Variants in CSMD1 observed in about 807,000 individuals in gnomAD.
CSMD1 encodes the protein CUB and Sushi multiple domains 1.
A neutral mutation model predicts 417.5 loss-of-function variants in CSMD1; 213 were observed. The ratio of observed to expected loss-of-function variants is 0.51; its 90% CI spans 0.46 to 0.57. The LOEUF (loss-of-function observed/expected upper bound fraction) is 0.57. CSMD1 is among the 20% of genes least tolerant of loss of function. CSMD1 has a pLI of 0.00. For synonymous variants in CSMD1, 2,862 were observed against 1,736.8 expected, an observed-to-expected ratio of 1.65 and a Z score of -16.11; for missense variants, 6,923 against 4,529.7, an observed-to-expected ratio of 1.53 and a Z score of -15.17.
intron 25 of CSMD1, among the ~76,000 whole-genome samples, chr8:3,296,719 C>T (rs536341698): frequency 9.9e-5 from 15 of 152,142 alleles, no homozygotes; most frequent in African/African-American, 3.1e-4. Flanking sequence ...AAGAGGTGTG[C>T]GTGAGGTGAG....
At chr8:3,795,210 A>ATATAT (rs1799995681) in intron 5 of CSMD1, among the ~76,000 whole-genome samples, 3 of 105,052 alleles carry the variant, frequency 2.9e-5, no homozygotes, top group African/African-American at 8.0e-5. Flanking sequence ...AGATATAGAT[A>ATATAT]CCTATCATGT....
At position 4,992,264 on chromosome 8, in the gene CSMD1, C is replaced by CCA. The variant is rs568216844; in HGVS notation, c.85+2066_85+2067dup. 2.4e-3 allele frequency among the ~76,000 whole-genome samples: 366 copies of CCA among 152,324 alleles called. 1 individual carries two copies. The highest frequency in any genetic ancestry group is 4.2e-3 in the Non-Finnish European group (283 of 68,038). On this transcript the variant is annotated intron_variant, in intron 1 of 69. Transcript: ENST00000635120. ...CTCAGCCTCATCCTAGCGCTGCAGC[C>CCA]CACCCGCGTGGGGGCGGAATCCGCC...
At chr8:4,056,982 G>A (rs1448360466) in intron 3 of CSMD1, among the ~76,000 whole-genome samples, 1 of 152,298 alleles carries the variant, frequency 6.6e-6, no homozygotes, top group African/African-American at 2.4e-5. Flanking sequence ...TGTGAATACT[G>A]CTGCAATAAA....
At chr8:4,803,636 C>T (rs910712308) in intron 1 of CSMD1, among the ~76,000 whole-genome samples, 13 of 152,176 alleles carry the variant, frequency 8.5e-5, no homozygotes, top group Non-Finnish European at 1.6e-4. Flanking sequence ...GTCTTCTATC[C>T]TCCATCCAAT....
At chr8:3,576,698 G>A (rs922047352) in intron 9 of CSMD1, among the ~76,000 whole-genome samples, 1 of 152,202 alleles carries the variant, frequency 6.6e-6, no homozygotes, top group Non-Finnish European at 1.5e-5. Context: ...ACAAAGGACT[G>A]GATGAAAACA....
intron 2 of CSMD1, among the ~76,000 whole-genome samples, chr8:4,510,424 C>CAAAAAAAAAAAAAAAAAAAAAAA (rs1225463197): frequency 2.8e-5 from 2 of 70,304 alleles, no homozygotes; most frequent in African/African-American, 5.6e-5. Context: ...AAAAAAAAAG[C>CAAAAAAAAAAAAAAAAAAAAAAA]AAATACTTTG....
chr8:4,516,348 C>T (rs1212816684), intron 2 of CSMD1, among the ~76,000 whole-genome samples: 2 of 152,130 alleles, frequency 1.3e-5, no homozygotes, highest in East Asian at 1.9e-4. Context: ...GATTTCTGTT[C>T]TTTAAGGCAT....
chr8:3,908,887 C>T (rs1054956743), intron 5 of CSMD1, among the ~76,000 whole-genome samples: 3 of 152,182 alleles, frequency 2.0e-5, no homozygotes, highest in African/African-American at 7.2e-5. Flanking sequence ...AACACACCTT[C>T]CCTAAGAGGA....
intron 26 of CSMD1, among the ~76,000 whole-genome samples, chr8:3,280,894 G>C (rs887826027): frequency 6.6e-6 from 1 of 152,066 alleles, no homozygotes; most frequent in Admixed American, 6.6e-5. Context: ...TCTGAAGAGA[G>C]AATCATGAAT....
At chr8:3,238,992 A>T (rs539591166) in intron 26 of CSMD1, among the ~76,000 whole-genome samples, 150 of 152,236 alleles carry the variant, frequency 9.9e-4, no homozygotes, top group African/African-American at 3.5e-3. Flanking sequence ...GGCACAGTCA[A>T]AGTTGGTGTG....
At chr8:4,014,348 T>A (rs1585133675) in intron 4 of CSMD1, among the ~76,000 whole-genome samples, 1 of 152,144 alleles carries the variant, frequency 6.6e-6, no homozygotes, top group East Asian at 1.9e-4. Flanking sequence ...GAGAAAATAA[T>A]CTGTAAAATA....
chr8:4,005,598 GT>G (rs1346016959), intron 4 of CSMD1, among the ~76,000 whole-genome samples: 2 of 152,132 alleles, frequency 1.3e-5, no homozygotes, highest in African/African-American at 4.8e-5. Flanking sequence ...GTATTATAAG[GT>G]TTGCAGTCAT....
chr8:3,553,915 A>T (rs938516406), intron 10 of CSMD1, among the ~76,000 whole-genome samples: 2 of 152,224 alleles, frequency 1.3e-5, no homozygotes, highest in African/African-American at 4.8e-5. Context: ...GGTCATGTAA[A>T]GGCAGACTTC....
At chr8:4,471,859 T>C (rs1423798475) in intron 2 of CSMD1, among the ~76,000 whole-genome samples, 1 of 152,126 alleles carries the variant, frequency 6.6e-6, no homozygotes, top group Non-Finnish European at 1.5e-5. Context: ...TTTCAATGAT[T>C]AGGCTACAAA....
At chr8:3,128,601 CATCTT>C (rs1817633500) in intron 41 of CSMD1, 1 of 307,992 alleles carries the variant, frequency 3.2e-6, no homozygotes, top group Non-Finnish European at 6.3e-6. Flanking sequence ...AGTTAAGTGT[CATCTT>C]ATCAATTTAT....
chr8:4,519,611 G>C (rs896743295), intron 2 of CSMD1, among the ~76,000 whole-genome samples: 2 of 150,992 alleles, frequency 1.3e-5, no homozygotes, highest in Non-Finnish European at 3.0e-5. Context: ...ATGGTTGCAG[G>C]TACCTATAAT....
intron 5 of CSMD1, among the ~76,000 whole-genome samples, chr8:3,794,649 G>C (rs1020655058): frequency 6.6e-6 from 1 of 151,866 alleles, no homozygotes; most frequent in East Asian, 1.9e-4. Context: ...ATGACTAGAA[G>C]TTATGTGATT....
intron 5 of CSMD1, among the ~76,000 whole-genome samples, chr8:3,912,457 A>C (rs1432936050): frequency 1.3e-5 from 2 of 152,206 alleles, no homozygotes; most frequent in African/African-American, 2.4e-5. Flanking sequence ...AGACATTCCT[A>C]AACCAGAGAG....
chr8:4,967,449 T>G (rs1339001534), intron 1 of CSMD1, among the ~76,000 whole-genome samples: 3 of 152,198 alleles, frequency 2.0e-5, no homozygotes, highest in Admixed American at 1.3e-4. Context: ...GTAAGAGATG[T>G]TAAGTCTATT....
Sources: gnomAD v4.1 joint callset for allele counts (sites outside exome capture counted in the v4.1 genomes callset) on GRCh38, gnomAD v4.1.1 for gene constraint, MANE v1.5 for transcripts, NCBI Gene and HGNC (gene_info 2026-07-23, HGNC 2026-07-21) for gene names.